AKAP8: variants seen among roughly 807,000 people sequenced by gnomAD.
The protein encoded by AKAP8 is A-kinase anchoring protein 8, also known as A-kinase anchor protein 8.
AKAP8 carries 24 observed loss-of-function variants against 67.5 expected under a neutral mutation model. That is an observed-to-expected ratio of 0.36 (90% CI 0.26 to 0.50). AKAP8 has a LOEUF of 0.50. AKAP8 is among the 20% of genes least tolerant of loss of function. AKAP8 has a pLI of 0.97. For synonymous variants in AKAP8, 400 were observed against 371.1 expected (o/e 1.08, Z -0.90); for missense variants, 971 against 955.9 (o/e 1.02, Z -0.21).
intron 4 of AKAP8, chr19:15,373,570 G>A (rs1967199609): frequency 6.6e-6 from 6 of 902,572 alleles, no homozygotes; most frequent in South Asian, 5.5e-5. Flanking sequence ...AAGGAGTCTC[G>A]GGGAGCTTAG....
intron 8 of AKAP8, 51 bp downstream of exon 8, chr19:15,370,095 G>A (rs756344624): frequency 6.8e-6 from 11 of 1,609,466 alleles, no homozygotes; most frequent in East Asian, 2.2e-5. Flanking sequence ...CAGTAAGTGC[G>A]GGGCAGCTGG....
chr19:15,371,858 C>A (rs1967163629), intron 7 of AKAP8, 94 bp downstream of exon 7: 2 of 1,401,394 alleles, frequency 1.4e-6, no homozygotes, highest in Non-Finnish European at 2.0e-6. Flanking sequence ...GTCAAATCTA[C>A]CATGGCAGCT....
intron 7 of AKAP8, among the ~76,000 whole-genome samples, chr19:15,370,980 A>G (rs1599568269): frequency 6.6e-6 from 1 of 152,276 alleles, no homozygotes; most frequent in East Asian, 1.9e-4. Flanking sequence ...AAAACGATTC[A>G]ACTGAGAATC....
intron 1 of AKAP8, 118 bp downstream of exon 1, chr19:15,379,595 G>T: frequency 8.1e-7 from 1 of 1,231,202 alleles, no homozygotes; most frequent in Non-Finnish European, 1.1e-6. Flanking sequence ...TCTCCGGAGG[G>T]CCCAGCTGGG....
Position 15,357,428 on chromosome 19 carries a change from CAAAAAAAAAAAAA to C in AKAP8, c.1623+1526_1623+1538del, listed in dbSNP as rs59205660. ...TGGGTGACAGAGCAAGACTCCATCT[CAAAAAAAAAAAAA>C]AAAAAAAAAAAAAAAAATTAGCCAG... is the stretch of plus-strand genomic sequence containing the variant. On this transcript the variant is annotated intron_variant, in intron 13 of 13. Transcript: ENST00000269701. Among the ~76,000 whole-genome samples the C allele has an allele frequency of 1.2e-3, 47 of 40,734 alleles. No individual in the cohort carries two copies. The East Asian group carries it at 0.043, about 38-fold the overall frequency. The allele number at this position is 40,734 out of a possible 152,430, so 26.7% of individuals were successfully genotyped here.
At chr19:15,358,597 C>CA (rs1966915420) in intron 13 of AKAP8, among the ~76,000 whole-genome samples, 1 of 152,160 alleles carries the variant, frequency 6.6e-6, no homozygotes, top group Non-Finnish European at 1.5e-5. Context: ...ACTGTAGCCT[C>CA]AAATTCCTGG....
chr19:15,372,786 T>G, intron 5 of AKAP8, 65 bp downstream of exon 5: 1 of 1,452,986 alleles, frequency 6.9e-7, no homozygotes, highest in African/African-American at 1.4e-5. Context: ...TGGGGAAATT[T>G]TACCTCAATA....
rs902829582 is a variant in AKAP8 at position 15,354,541 on chromosome 19, C to T, written c.*374G>A. On this transcript the variant is annotated 3_prime_UTR_variant, in exon 14 of 14. Transcript: ENST00000269701. ...GATATATTCCTAGTATTCAGCTGTTCCCAACCAAATAAAAAAAAAAATTAA... is the reference window on the plus strand; with the variant it reads ...GATATATTCCTAGTATTCAGCTGTTTCCAACCAAATAAAAAAAAAAATTAA... 28 of 223,750 alleles carry T rather than the reference C, an allele frequency of 1.3e-4. No individual in the cohort carries two copies. The highest frequency in any genetic ancestry group is 5.7e-4 in the African/African-American group (25 of 43,714). The allele number at this position is 223,750 out of a possible 1,614,324, so 13.9% of individuals were successfully genotyped here.
intron 11 of AKAP8, 50 bp from the exon 12 acceptor site, chr19:15,361,028 T>C: frequency 6.3e-7 from 1 of 1,591,650 alleles, no homozygotes; most frequent in Non-Finnish European, 8.6e-7. Flanking sequence ...AGTGATGCTT[T>C]CCTCCTACTC....
At chr19:15,355,401 G>C in intron 13 of AKAP8, 31 bp from the exon 14 acceptor site, 1 of 1,585,530 alleles carries the variant, frequency 6.3e-7, no homozygotes. Flanking sequence ...GGTCAGCGTG[G>C]TGTAAGCAGA....
At chr19:15,363,955 G>A (rs1967023787) in intron 9 of AKAP8, among the ~76,000 whole-genome samples, 1 of 151,692 alleles carries the variant, frequency 6.6e-6, no homozygotes, top group Non-Finnish European at 1.5e-5. Flanking sequence ...GATGCTTGAA[G>A]GCAGCATGCC....
At chr19:15,370,588 C>G (rs541978226) in intron 7 of AKAP8, among the ~76,000 whole-genome samples, 8 of 151,526 alleles carry the variant, frequency 5.3e-5, no homozygotes, top group South Asian at 2.1e-4. Context: ...TGGGTTCCAC[C>G]ACGTTTCCCG....
chr19:15,368,986 C>T, intron 8 of AKAP8: 1 of 986,138 alleles, frequency 1.0e-6, no homozygotes, highest in Non-Finnish European at 1.2e-6. Context: ...CCTCGGAGAG[C>T]CACGCGGCCA....
rs533162860 is a variant in AKAP8, at chr19:15,368,080, A to C, written c.1160+155T>G. Among the ~76,000 whole-genome samples the C allele has an allele frequency of 2.3e-4, 35 of 152,242 alleles. 1 individual carries two copies. The South Asian group carries it at 7.3e-3, about 32-fold the overall frequency. On this transcript the variant is annotated intron_variant, in intron 9 of 13. Coordinates refer to ENST00000269701, the MANE Select transcript of AKAP8 (RefSeq NM_005858.4). ...GAGCACGAGTGATGGTCTTTTCTGC[A>C]CTCCCAATTGTTTACTGTTTTGCCT...
intron 2 of AKAP8, among the ~76,000 whole-genome samples, chr19:15,376,306 G>A (rs1376140256): frequency 1.3e-5 from 2 of 152,104 alleles, no homozygotes; most frequent in African/African-American, 4.8e-5. Context: ...TATGAGGTCA[G>A]GAGTTCGAGA....
chr19:15,358,202 C>G (rs1043915283), intron 13 of AKAP8, among the ~76,000 whole-genome samples: 21 of 152,142 alleles, frequency 1.4e-4, no homozygotes, highest in African/African-American at 5.1e-4. Context: ...CCAGCCTTCT[C>G]TCCATGAGCA....
Position 15,354,828 on chromosome 19 carries a change from A to C in AKAP8, c.*87T>G. 1 of 1,466,126 alleles carries C rather than the reference A, an allele frequency of 6.8e-7. No individual in the cohort carries two copies. The highest frequency in any genetic ancestry group is 1.2e-5 in the South Asian group (1 of 80,494). The allele number at this position is 1,466,126 out of a possible 1,614,324, so 90.8% of individuals were successfully genotyped here. ...TTAGATTACAGCATATTCTGGGAGC[A>C]CACGCCCTTGTACTGCTTACAAACC... On this transcript the variant is annotated 3_prime_UTR_variant, in exon 14 of 14. Coordinates refer to ENST00000269701, the MANE Select transcript of AKAP8 (RefSeq NM_005858.4).
intron 9 of AKAP8, among the ~76,000 whole-genome samples, chr19:15,363,261 G>A (rs546386550): frequency 8.0e-4 from 120 of 149,174 alleles, no homozygotes; most frequent in African/African-American, 2.7e-3. Flanking sequence ...CAGCCGCCCC[G>A]TCTGGGAGGT....
Position 15,356,861 on chromosome 19 carries a change from T to G in AKAP8, c.1624-1491A>C, listed in dbSNP as rs149542598. Among the ~76,000 whole-genome samples the G allele has an allele frequency of 5.1e-3, 769 of 152,194 alleles. 7 individuals carry two copies. Among genetic ancestry groups the G allele is most frequent in the African/African-American group, 0.017 (722 of 41,546 alleles). On this transcript the variant is annotated intron_variant, in intron 13 of 13. Transcript: ENST00000269701. ...TTAGCCAGCATGTGGCCGGGTGCAGTGGCTCACGTCTGTAATTCCAACACT... is the reference window on the plus strand; with the variant it reads ...TTAGCCAGCATGTGGCCGGGTGCAGGGGCTCACGTCTGTAATTCCAACACT...
Sources: gnomAD v4.1 joint callset for allele counts (sites outside exome capture counted in the v4.1 genomes callset) on GRCh38, gnomAD v4.1.1 for gene constraint, MANE v1.5 for transcripts, NCBI Gene and HGNC (gene_info 2026-07-23, HGNC 2026-07-21) for gene names.